FIG4: variants seen among roughly 807,000 people sequenced by gnomAD.
FIG4 encodes FIG4 phosphoinositide 5-phosphatase, also known as polyphosphoinositide phosphatase.
FIG4 carries 112 observed loss-of-function variants against 118.6 expected under a neutral mutation model. The observed-to-expected ratio is 0.94, with a 90% CI of 0.81 to 1.11. FIG4 has a LOEUF of 1.11. Ranked by LOEUF, FIG4 falls within the 50% of genes least tolerant of loss-of-function variation. FIG4 has a pLI of 0.00. For missense variants in FIG4, 969 were observed against 1,111.7 expected, an observed-to-expected ratio of 0.87 and a Z score of 1.83; for synonymous variants, 369 against 381.2, an observed-to-expected ratio of 0.97 and a Z score of 0.37.
intron 15 of FIG4, among the ~76,000 whole-genome samples, chr6:109,768,318 C>T (rs996037800): frequency 6.6e-6 from 1 of 152,132 alleles, no homozygotes; most frequent in East Asian, 1.9e-4. Context: ...AAGAGAGTCC[C>T]CAGTGCTGGC....
At chr6:109,747,556 C>G (rs1049262623) in intron 10 of FIG4, among the ~76,000 whole-genome samples, 5 of 151,986 alleles carry the variant, frequency 3.3e-5, no homozygotes, top group Non-Finnish European at 7.4e-5. Context: ...TGAAGTAGAC[C>G]GAGTGTGGGA....
In FIG4 at chr6:109,786,380, A is replaced by G; in HGVS notation, c.2027A>G (p.Glu676Gly). ...KYEEEIDIHN[E>G]FFRPYELSSF... ...GAAGAAGAGATTGATATCCACAATG[A>G]GTTCTTTCGGCCATATGAGTTGAGC... Residue 676 changes from glutamate to glycine, a missense_variant, in exon 18 of 23, where the codon GAG becomes GGG. This residue lies in a region of FIG4 where 330 missense variants were observed against 348.1 expected (regional missense o/e 0.95). Coordinates refer to ENST00000230124, the MANE Select transcript of FIG4 (RefSeq NM_014845.6). 6.2e-7 allele frequency: 1 copy of G among 1,613,784 alleles called. No individual in the cohort carries two copies.
intron 7 of FIG4, 94 bp from the exon 8 acceptor site, chr6:109,741,350 C>T: frequency 1.2e-6 from 1 of 844,816 alleles, no homozygotes; most frequent in Non-Finnish European, 2.1e-6. Flanking sequence ...AGCCATTGGA[C>T]AAGCTGTATC....
rs371245722 is a variant in FIG4, at chr6:109,807,265, G to A, written c.2546+10414G>A. ...TTTCTATTTCTCCACATCTTCTCCA[G>A]CATCTGTTGTTTCCTGACTTTTAAA... On this transcript the variant is annotated intron_variant, in intron 22 of 22. Coordinates refer to ENST00000230124, the MANE Select transcript of FIG4 (RefSeq NM_014845.6). 2.0e-5 allele frequency among the ~76,000 whole-genome samples: 3 copies of A among 152,270 alleles called. No individual in the cohort carries two copies. The East Asian group carries it at 5.8e-4, about 29-fold the overall frequency.
intron 22 of FIG4, among the ~76,000 whole-genome samples, chr6:109,824,759 A>G (rs1196948952): frequency 6.6e-6 from 1 of 152,232 alleles, no homozygotes; most frequent in Non-Finnish European, 1.5e-5. Context: ...CAAAAAGTCT[A>G]TACAGCCTTA....
At chr6:109,786,005 A>G (rs957569974) in intron 17 of FIG4, 6 of 388,656 alleles carry the variant, frequency 1.5e-5, no homozygotes, top group African/African-American at 1.2e-4. Flanking sequence ...CATTTATTTA[A>G]GAGCAAAAAG....
intron 11 of FIG4, among the ~76,000 whole-genome samples, chr6:109,760,800 A>C (rs940215721): frequency 1.3e-5 from 2 of 152,070 alleles, no homozygotes; most frequent in African/African-American, 4.8e-5. Context: ...GAATGTGACC[A>C]CTTTTTATTT....
chr6:109,777,051 C>A lies in FIG4; in HGVS notation c.1880C>A (p.Thr627Lys), dbSNP rs770831509. The A allele has an allele frequency of 2.5e-5, 40 of 1,613,408 alleles. No individual in the cohort carries two copies. The highest frequency in any genetic ancestry group is 3.3e-5 in the Non-Finnish European group (39 of 1,179,568). ...AAAAATACCATGAGACTTTTGCCAA[C>A]AAGAAGAAGGTATTTTTCTTCCTAG... ...HHKNTMRLLPTRRSYTYWWTP... is the reference protein window; with the variant it reads ...HHKNTMRLLPKRRSYTYWWTP... Residue 627 changes from threonine (T) to lysine (K), a missense_variant, in exon 16 of 23, where the codon ACA becomes AAA. Transcript: ENST00000230124.
intron 22 of FIG4, among the ~76,000 whole-genome samples, chr6:109,804,477 T>C (rs940047575): frequency 6.6e-6 from 1 of 152,156 alleles, no homozygotes; most frequent in Non-Finnish European, 1.5e-5. Context: ...AACTTTTGGC[T>C]GAAATACAAG....
At chr6:109,701,247 A>G (rs1229456994) in intron 1 of FIG4, among the ~76,000 whole-genome samples, 2 of 152,156 alleles carry the variant, frequency 1.3e-5, no homozygotes, top group African/African-American at 4.8e-5. Flanking sequence ...GGCACCTAGC[A>G]CCTTCAATAT....
At chr6:109,791,635 G>A (rs1438333055) in intron 20 of FIG4, 64 bp downstream of exon 20, 27 of 1,461,028 alleles carry the variant, frequency 1.8e-5, no homozygotes, top group East Asian at 1.4e-4. Flanking sequence ...TTACAACTCC[G>A]CTTTCAGTTA....
chr6:109,782,807 GT>G, intron 16 of FIG4, among the ~76,000 whole-genome samples: 1 of 152,272 alleles, frequency 6.6e-6, no homozygotes, highest in Non-Finnish European at 1.5e-5. Context: ...GGTGTGGCTT[GT>G]TTTTGTGAAT....
intron 12 of FIG4, 26 bp downstream of exon 12, chr6:109,762,233 A>C (rs758010240): frequency 3.2e-5 from 44 of 1,370,696 alleles, no homozygotes; most frequent in Non-Finnish European, 4.5e-5. Context: ...TAAAACTTAT[A>C]ATAAATGATG....
chr6:109,757,635 A>G (rs893331413), intron 10 of FIG4, among the ~76,000 whole-genome samples: 2 of 152,200 alleles, frequency 1.3e-5, no homozygotes, highest in African/African-American at 4.8e-5. Flanking sequence ...AGAGAAAGAA[A>G]TAAGGGGTAT....
intron 22 of FIG4, among the ~76,000 whole-genome samples, chr6:109,803,584 A>G (rs951616321): frequency 2.6e-5 from 4 of 151,982 alleles, no homozygotes; most frequent in Non-Finnish European, 5.9e-5. Context: ...TTTCTCGGCT[A>G]TTGATTTAAA....
At chr6:109,808,372 A>AAAAAAAAAAAAAAAAAAAAAAAAAC (rs556147904) in intron 22 of FIG4, among the ~76,000 whole-genome samples, 1 of 150,666 alleles carries the variant, frequency 6.6e-6, no homozygotes, top group Non-Finnish European at 1.5e-5. Context: ...AAAAAAAAAA[A>AAAAAAAAAAAAAAAAAAAAAAAAAC]AAGAGAGAAG....
chr6:109,716,580 G>T lies in FIG4; in HGVS notation c.289+12G>T, dbSNP rs1562643214. The T allele has an allele frequency of 6.2e-7, 1 of 1,613,304 alleles. No individual in the cohort carries two copies. The highest frequency in any genetic ancestry group is 2.2e-5 in the East Asian group (1 of 44,838). On this transcript the variant is annotated intron_variant, in intron 3 of 22. Coordinates refer to ENST00000230124, the MANE Select transcript of FIG4 (RefSeq NM_014845.6). The stretch of plus-strand genomic sequence containing the variant: ...TTTTGGTGTTGTGGGTAAGAAATCT[G>T]CCCCCCTTCTTACAATCTCTTGTTT...
chr6:109,796,821 G>T lies in FIG4; in HGVS notation c.2516G>T (p.Cys839Phe). ...HKQDKNSQQP[C>F]SRCSDGVIKL... ...CAAGACAAGAATAGCCAGCAGCCCT[G>T]TTCTAGGTGCTCAGATGGAGTTATA... Residue 839 changes from cysteine to phenylalanine, a missense_variant, in exon 22 of 23, where the codon TGT becomes TTT. Coordinates refer to ENST00000230124, the MANE Select transcript of FIG4 (RefSeq NM_014845.6). 1 of 1,609,794 alleles carries T rather than the reference G, an allele frequency of 6.2e-7. No individual in the cohort carries two copies. The highest frequency in any genetic ancestry group is 8.5e-7 in the Non-Finnish European group (1 of 1,176,042).
intron 1 of FIG4, among the ~76,000 whole-genome samples, chr6:109,705,210 T>C (rs1461353980): frequency 6.6e-6 from 1 of 152,220 alleles, no homozygotes; most frequent in Admixed American, 6.5e-5. Context: ...CTATTAAATG[T>C]AACAAAGGCT....
Sources: allele counts gnomAD v4.1 joint callset (sites outside exome capture counted in the v4.1 genomes callset), GRCh38; gene constraint gnomAD v4.1.1; regional missense constraint gnomAD v4.1.1; transcripts MANE v1.5; gene names NCBI Gene and HGNC (gene_info 2026-07-23, HGNC 2026-07-21).